RIC3: variants seen among roughly 807,000 people sequenced by gnomAD.
RIC3 encodes the protein RIC3 acetylcholine receptor chaperone, also known as protein RIC-3.
Under a neutral mutation model 27.3 loss-of-function variants are expected in RIC3, and 28 were observed. That is an observed-to-expected ratio of 1.02 (90% CI 0.76 to 1.41). The LOEUF (loss-of-function observed/expected upper bound fraction) is 1.41. RIC3 is among the 40% of genes most tolerant of loss of function. RIC3 has a pLI of 0.00. For synonymous variants in RIC3, 184 were observed against 160.4 expected, an observed-to-expected ratio of 1.15 and a Z score of -1.11; for missense variants, 501 against 444.7, an observed-to-expected ratio of 1.13 and a Z score of -1.14.
At chr11:8,098,673 G>T in the RIC3 span, 1 of 983,390 alleles carries the variant, frequency 1.0e-6, no homozygotes. Context: ...ATGTTTTGCA[G>T]GCTCCTCATA....
At chr11:8,101,586 G>A (rs1243502899), downstream of RIC3, 11 of 1,614,116 alleles carry the variant, frequency 6.8e-6, no homozygotes, top group African/African-American at 9.3e-5. Flanking sequence ...CCATTGCCCT[G>A]TCCAGCTTCG....
chr11:8,162,629 C>CTA (rs1951276796), intron 1 of RIC3, among the ~76,000 whole-genome samples: 1 of 83,706 alleles, frequency 1.2e-5, no homozygotes, highest in East Asian at 4.2e-4. Context: ...CATGCTTCTT[C>CTA]TTTTTTTTTT....
At chr11:8,158,647 C>T (rs149042318) in intron 1 of RIC3, among the ~76,000 whole-genome samples, 26 of 150,408 alleles carry the variant, frequency 1.7e-4, no homozygotes, top group Admixed American at 1.5e-3. Context: ...AAAGGAGAAC[C>T]TCAGGAGAAT....
rs767223794 is a variant in RIC3 at position 8,111,063 on chromosome 11, C to A, written c.745G>T (p.Asp249Tyr). The change falls in exon 6 of 6, where the codon GAT (aspartate) becomes TAT (tyrosine). Residue 249 changes from aspartate (D) to tyrosine (Y), a missense_variant. Asp to Tyr is a radical substitution (Grantham distance 160). Coordinates refer to ENST00000309737, the MANE Select transcript of RIC3 (RefSeq NM_001206671.4). ...GAAAGTTCTTTTGGGTCAGGGTAAT[C>A]CACCAAGATTGTTTCTTGCCTACGC... ...IKRRQETILV[D>Y]YPDPKELSAE... The A allele has an allele frequency of 3.1e-6, 5 of 1,613,976 alleles. No homozygotes were observed. In the African/African-American group the frequency reaches 6.7e-5, roughly 22 times the overall value.
chr11:8,146,058 G>C (rs72849324), intron 1 of RIC3, among the ~76,000 whole-genome samples: 1 of 152,132 alleles, frequency 6.6e-6, no homozygotes, highest in Non-Finnish European at 1.5e-5. Flanking sequence ...CTCAAATAAG[G>C]TTATATATAT....
intron 1 of RIC3, among the ~76,000 whole-genome samples, chr11:8,144,365 T>C (rs368488273): frequency 1.6e-4 from 24 of 149,726 alleles, no homozygotes; most frequent in East Asian, 5.8e-4. Context: ...AAAAAGTGGG[T>C]GAAGGACATG....
At chr11:8,131,737 C>T (rs1006831295) in intron 4 of RIC3, among the ~76,000 whole-genome samples, 3 of 151,620 alleles carry the variant, frequency 2.0e-5, no homozygotes, top group Non-Finnish European at 4.4e-5. Context: ...CTTGTCTCTA[C>T]TAAAAATACA....
At position 8,165,699 on chromosome 11, in the gene RIC3, A is replaced by T. The variant is rs192921861; in HGVS notation, c.124+3167T>A. On this transcript the variant is annotated intron_variant, in intron 1 of 5. Transcript: ENST00000309737. ...TTGTATGATATATAAATTAGATCTC[A>T]AGAAAGCTGTTATCAAAAAAAAAAA... Among the ~76,000 whole-genome samples the T allele has an allele frequency of 5.0e-3, 727 of 145,218 alleles. 7 individuals are homozygous for T. The highest frequency in any genetic ancestry group is 0.018 in the African/African-American group (700 of 39,008).
rs112967829 is a variant in RIC3 at position 8,168,891 on chromosome 11, C to T, written c.99G>A (p.Arg33=). ...LPKAFLSRGK[R]QEPPPTPEGK... ...CTTCAGGTGTCGGCGGCGGCTCCTGCCGCTTCCCGCGGGACAGGAAGGCCT... is the reference window on the plus strand; with the variant it reads ...CTTCAGGTGTCGGCGGCGGCTCCTGTCGCTTCCCGCGGGACAGGAAGGCCT... The change falls in exon 1 of 6, where the codon CGG becomes CGA. Residue 33 remains arginine, a synonymous_variant. Coordinates refer to ENST00000309737, the MANE Select transcript of RIC3 (RefSeq NM_001206671.4). 2.4e-5 allele frequency: 39 copies of T among 1,611,232 alleles called. No homozygotes were observed. The African/African-American group carries it at 3.7e-4, about 15-fold the overall frequency.
At chr11:8,141,102 A>G (rs1307094367) in intron 1 of RIC3, among the ~76,000 whole-genome samples, 4 of 149,992 alleles carry the variant, frequency 2.7e-5, no homozygotes, top group African/African-American at 9.9e-5. Context: ...GACCATCGAG[A>G]CTAGGAAGAA....
rs1224454290 is a variant in RIC3, at chr11:8,126,748, A to G, written c.581T>C (p.Ile194Thr). 1 of 1,614,062 alleles carries G rather than the reference A, an allele frequency of 6.2e-7. No homozygotes were observed. Among genetic ancestry groups the G allele is most frequent in the Non-Finnish European group, 8.5e-7 (1 of 1,180,010 alleles). The change falls in exon 5 of 6, where the codon ATC (isoleucine) becomes ACC (threonine). Residue 194 changes from isoleucine (I) to threonine (T), a missense_variant. By Grantham distance (89) the Ile-to-Thr change is moderately conservative. Transcript: ENST00000309737. ...TTTTCCTTCTTTCATGACCCTGGTG[A>G]TTTCTCGGAGCTGATGTAGCAACCG... ...EKRLLHQLRE[I>T]TRVMKEGKFI... is the part of the protein sequence containing the mutation.
Position 8,139,636 on chromosome 11 carries a change from A to ATTTTTT in RIC3, c.351+325_351+330dup, listed in dbSNP as rs72265360. 28 of 92,696 alleles carry ATTTTTT rather than the reference A, an allele frequency of 3.0e-4. 3 individuals carry two copies. The highest frequency in any genetic ancestry group is 3.8e-4 in the African/African-American group (8 of 21,034). 5.7% of individuals were successfully genotyped at this position (92,696 alleles called of 1,614,324 possible). On this transcript the variant is annotated intron_variant, in intron 2 of 5. Coordinates refer to ENST00000309737, the MANE Select transcript of RIC3 (RefSeq NM_001206671.4). ...TCCTTTTCGGCCTGTAAAGATGTTAATTTTTTTTTTTTTTTTTTTTTTTTT... is the reference window on the plus strand; with the variant it reads ...TCCTTTTCGGCCTGTAAAGATGTTAATTTTTTTTTTTTTTTTTTTTTTTTTTTTTTT...
the RIC3 span, chr11:8,100,504 A>G: frequency 1.2e-6 from 2 of 1,613,884 alleles, no homozygotes; most frequent in Non-Finnish European, 1.7e-6. Context: ...CTTTCCCAGG[A>G]GACAAACGTC....
At chr11:8,136,709 T>A (rs1948462030) in intron 4 of RIC3, among the ~76,000 whole-genome samples, 1 of 152,254 alleles carries the variant, frequency 6.6e-6, no homozygotes, top group Admixed American at 6.5e-5. Context: ...TCTTCTCTCA[T>A]TTTGTCTCAA....
the RIC3 span, among the ~76,000 whole-genome samples, chr11:8,096,277 C>T: frequency 6.6e-6 from 1 of 152,216 alleles, no homozygotes; most frequent in Non-Finnish European, 1.5e-5. Context: ...ATTCCGTGGT[C>T]TATGCCAGCC....
At position 8,109,295 on chromosome 11, in the gene RIC3, G is replaced by A. The variant is rs1282076282; in HGVS notation, c.*1403C>T. On this transcript the variant is annotated 3_prime_UTR_variant, in exon 6 of 6. Transcript: ENST00000309737. ...CTTTACATAATGTCTTAATTTTCCA[G>A]TCTTCTACATTTCATGACTGGGAAT... 1 of 152,166 alleles carries A rather than the reference G, an allele frequency of 6.6e-6. No individual in the cohort carries two copies. The highest frequency in any genetic ancestry group is 1.5e-5 in the Non-Finnish European group (1 of 68,036). The allele number at this position is 152,166 out of a possible 1,614,324, so 9.4% of individuals were successfully genotyped here.
Position 8,127,410 on chromosome 11 carries a change from T to A in RIC3, c.522-603A>T, listed in dbSNP as rs554215286. Among the ~76,000 whole-genome samples the A allele has an allele frequency of 1.8e-4, 28 of 152,378 alleles. No homozygotes were observed. In the South Asian group the frequency reaches 4.6e-3, roughly 25 times the overall value. ...AGGAGAAATATTGTTTATATATTCA[T>A]ACTGCCACTTAATGAAGCACTATAA... On this transcript the variant is annotated intron_variant, in intron 4 of 5. Transcript: ENST00000309737.
At chr11:8,093,445 A>G in the RIC3 span, among the ~76,000 whole-genome samples, 1 of 152,134 alleles carries the variant, frequency 6.6e-6, no homozygotes, top group East Asian at 1.9e-4. Context: ...GAAACCATTC[A>G]AGGATTTTGA....
intron 4 of RIC3, among the ~76,000 whole-genome samples, chr11:8,130,959 T>G (rs1947615139): frequency 6.6e-6 from 1 of 152,096 alleles, no homozygotes. Context: ...AAAGATTCTG[T>G]GCTTTTTCAA....
Sources: gnomAD v4.1 joint callset for allele counts (sites outside exome capture counted in the v4.1 genomes callset) on GRCh38, gnomAD v4.1.1 for gene constraint, MANE v1.5 for transcripts, NCBI Gene and HGNC (gene_info 2026-07-23, HGNC 2026-07-21) for gene names.